The following SP140L variants were observed in gnomAD, a reference collection of about 807,000 sequenced individuals.
SP140L encodes the protein SP140 like nuclear body protein.
Under a neutral mutation model 84.3 loss-of-function variants are expected in SP140L, and 64 were observed. The observed-to-expected ratio is 0.76, with a 90% confidence interval of 0.62 to 0.94. The LOEUF (loss-of-function observed/expected upper bound fraction) is 0.94, where lower values mean the gene tolerates loss of function less well. SP140L is among the 40% of genes least tolerant of loss of function. SP140L has a pLI of 0.00. For synonymous variants in SP140L, 242 were observed against 236.9 expected (o/e 1.02, Z -0.20); for missense variants, 628 against 692.5 (o/e 0.91, Z 1.05).
chr2:230,391,814 G>A, intron 11 of SP140L: 1 of 317,832 alleles, frequency 3.1e-6, no homozygotes, highest in South Asian at 6.4e-5. Context: ...TTCTGTAAGT[G>A]CTTTTGAAAT....
At chr2:230,333,795 T>C (rs147162539) in intron 2 of SP140L, among the ~76,000 whole-genome samples, 9 of 152,276 alleles carry the variant, frequency 5.9e-5, no homozygotes, top group Non-Finnish European at 1.0e-4. Context: ...CTTCTTCTTT[T>C]GAATCTACCT....
chr2:230,348,549 T>C (rs2060276322), intron 2 of SP140L, among the ~76,000 whole-genome samples: 1 of 152,250 alleles, frequency 6.6e-6, no homozygotes, highest in Non-Finnish European at 1.5e-5. Context: ...TTCAAATCAT[T>C]TGCCCATTTT....
At chr2:230,364,918 T>C (rs554514754) in intron 5 of SP140L, among the ~76,000 whole-genome samples, 4 of 152,230 alleles carry the variant, frequency 2.6e-5, no homozygotes, top group Admixed American at 6.5e-5. Context: ...TGTCCTTCAT[T>C]CTATTAATGC....
intron 9 of SP140L, among the ~76,000 whole-genome samples, chr2:230,386,467 A>C (rs2061585473): frequency 6.6e-6 from 1 of 152,178 alleles, no homozygotes; most frequent in Non-Finnish European, 1.5e-5. Context: ...CAACCATAAC[A>C]ATTATTTTAA....
At chr2:230,330,013 C>T (rs2059684108) in intron 2 of SP140L, among the ~76,000 whole-genome samples, 1 of 152,164 alleles carries the variant, frequency 6.6e-6, no homozygotes, top group South Asian at 2.1e-4. Flanking sequence ...ATATTATTAT[C>T]GTCTCTGAGA....
intron 7 of SP140L, among the ~76,000 whole-genome samples, chr2:230,379,174 T>G (rs2061333456): frequency 6.6e-6 from 1 of 152,214 alleles, no homozygotes; most frequent in Non-Finnish European, 1.5e-5. Flanking sequence ...CAATTTTATC[T>G]GATAATCTTA....
chr2:230,375,534 C>T (rs2061216855), intron 7 of SP140L, among the ~76,000 whole-genome samples: 1 of 152,148 alleles, frequency 6.6e-6, no homozygotes, highest in South Asian at 2.1e-4. Context: ...GGTTCCTTTT[C>T]TCCACACCCT....
chr2:230,382,314 G>A (rs1038292024), intron 7 of SP140L, among the ~76,000 whole-genome samples: 1 of 152,144 alleles, frequency 6.6e-6, no homozygotes, highest in African/African-American at 2.4e-5. Context: ...TGGGAGCACT[G>A]GAGCAGGGTG....
chr2:230,358,096 T>C lies in SP140L; in HGVS notation c.270+129T>C. On this transcript the variant is annotated intron_variant, in intron 3 of 18. Transcript: ENST00000415673. ...CACCAGAGATGGTCCTACTTCCAGC[T>C]GAGGAAATGGTGTTCCATGGCACCC... 3 of 1,109,646 alleles carry C rather than the reference T, an allele frequency of 2.7e-6. No homozygotes were observed. The South Asian group carries it at 4.4e-5, about 16-fold the overall frequency. 68.7% of individuals were successfully genotyped at this position (1,109,646 alleles called of 1,614,324 possible). A position where few individuals can be genotyped will look rare whatever the true frequency, so the allele number is the denominator to read the frequency against.
intron 7 of SP140L, among the ~76,000 whole-genome samples, chr2:230,378,048 A>G (rs1359451945): frequency 6.6e-6 from 1 of 152,158 alleles, no homozygotes; most frequent in African/African-American, 2.4e-5. Context: ...CAATCATTCC[A>G]TCATAATTTG....
intron 13 of SP140L, among the ~76,000 whole-genome samples, 195 bp from the exon 14 acceptor site, chr2:230,396,562 A>G (rs1401404908): frequency 6.6e-6 from 1 of 152,250 alleles, no homozygotes; most frequent in Admixed American, 6.5e-5. Context: ...TACTGTTTAC[A>G]TCAGGTTTCA....
chr2:230,356,398 G>A (rs1351559884), intron 2 of SP140L, among the ~76,000 whole-genome samples: 1 of 152,092 alleles, frequency 6.6e-6, no homozygotes, highest in Non-Finnish European at 1.5e-5. Context: ...TCACACAATG[G>A]AATACCACTC....
At chr2:230,332,835 T>C (rs1237680683) in intron 2 of SP140L, among the ~76,000 whole-genome samples, 1 of 152,248 alleles carries the variant, frequency 6.6e-6, no homozygotes, top group African/African-American at 2.4e-5. Flanking sequence ...ATTCTGCTGA[T>C]CCAATTAGTT....
intron 2 of SP140L, among the ~76,000 whole-genome samples, chr2:230,341,492 C>G (rs1333514805): frequency 6.7e-6 from 1 of 148,878 alleles, no homozygotes. Flanking sequence ...TCTCTCAGCT[C>G]GTCAAAGTCA....
intron 11 of SP140L, 95 bp downstream of exon 11, chr2:230,390,118 A>G: frequency 8.7e-7 from 1 of 1,153,516 alleles, no homozygotes; most frequent in Non-Finnish European, 1.3e-6. Flanking sequence ...TCATTCAAGG[A>G]GTTTTGGGCC....
At chr2:230,349,121 A>T (rs1483385486) in intron 2 of SP140L, among the ~76,000 whole-genome samples, 1 of 152,210 alleles carries the variant, frequency 6.6e-6, no homozygotes, top group Admixed American at 6.5e-5. Flanking sequence ...TACTTGTAGT[A>T]TTTGTTGAAA....
At chr2:230,364,150 CTT>C (rs2060801426) in intron 5 of SP140L, among the ~76,000 whole-genome samples, 1 of 152,006 alleles carries the variant, frequency 6.6e-6, no homozygotes, top group African/African-American at 2.4e-5. Context: ...GTTGGGGTCT[CTT>C]GTGCTTTTAT....
intron 2 of SP140L, among the ~76,000 whole-genome samples, 200 bp downstream of exon 2, chr2:230,329,031 T>C (rs1427548704): frequency 1.3e-5 from 2 of 152,214 alleles, no homozygotes; most frequent in African/African-American, 4.8e-5. Flanking sequence ...AAAGTATAAA[T>C]ATACTTTTCT....
At chr2:230,383,996 T>A (rs1342755477) in intron 8 of SP140L, among the ~76,000 whole-genome samples, 1 of 152,158 alleles carries the variant, frequency 6.6e-6, no homozygotes, top group Non-Finnish European at 1.5e-5. Context: ...TTTTTATGTA[T>A]CTATCAATCC....
Sources: gnomAD v4.1 joint callset for allele counts (sites outside exome capture counted in the v4.1 genomes callset) on GRCh38, gnomAD v4.1.1 for gene constraint, MANE v1.5 for transcripts, NCBI Gene and HGNC (gene_info 2026-07-23, HGNC 2026-07-21) for gene names.